MYH15: variants seen among roughly 807,000 people sequenced by gnomAD.
MYH15 encodes the protein myosin heavy chain 15, also known as myosin-15.
In MYH15, 227 loss-of-function variants were observed where a neutral mutation model predicts 240.5. The observed-to-expected ratio is 0.94, with a 90% CI of 0.85 to 1.05. MYH15 has a LOEUF of 1.05. Ranked by LOEUF, MYH15 falls within the 50% of genes least tolerant of loss-of-function variation. The pLI is 0.00. For missense variants in MYH15, 2,217 were observed against 2,247.5 expected (o/e 0.99, Z 0.27); for synonymous variants, 785 against 796.7 (o/e 0.99, Z 0.25).
chr3:108,480,327 A>C (rs2083256810), intron 11 of MYH15, among the ~76,000 whole-genome samples: 1 of 152,238 alleles, frequency 6.6e-6, no homozygotes, highest in African/African-American at 2.4e-5. Flanking sequence ...GAAGAGTACA[A>C]GGTATGGTCA....
chr3:108,485,340 A>C, intron 10 of MYH15, 111 bp from the exon 11 acceptor site: 1 of 1,226,190 alleles, frequency 8.2e-7, no homozygotes, highest in East Asian at 2.3e-5. Context: ...AATGAGACAG[A>C]CAGCTCTGTT....
At chr3:108,410,496 G>A (rs1049987357) in intron 31 of MYH15, 87 bp downstream of exon 31, 2 of 924,172 alleles carry the variant, frequency 2.2e-6, no homozygotes, top group Non-Finnish European at 3.2e-6. Flanking sequence ...TTGGGAATGT[G>A]AAAATGCTGA....
intron 32 of MYH15, among the ~76,000 whole-genome samples, chr3:108,407,014 C>T (rs750674594): frequency 7.9e-5 from 12 of 152,092 alleles, no homozygotes; most frequent in Non-Finnish European, 5.9e-5. Context: ...CCAAAGGGAA[C>T]GAGTAAACAA....
intron 16 of MYH15, among the ~76,000 whole-genome samples, chr3:108,462,285 G>A (rs1168158597): frequency 2.0e-5 from 3 of 152,098 alleles, no homozygotes; most frequent in East Asian, 1.9e-4. Flanking sequence ...TCACTGCATC[G>A]TAAATGCATG....
Position 108,460,379 on chromosome 3 carries a change from A to T in MYH15, c.1865-12T>A. On this transcript the variant is annotated splice_polypyrimidine_tract_variant and intron_variant, in intron 16 of 40. Coordinates refer to ENST00000693548, the MANE Select transcript of MYH15 (RefSeq NM_014981.3). ...CCCAAATGGTATAGCTAGCAAAAAA[A>T]AAAAAAGAAAAAGATGAAAACATGT... 6.4e-7 allele frequency: 1 copy of T among 1,569,750 alleles called. No individual in the cohort carries two copies. Among genetic ancestry groups the T allele is most frequent in the Non-Finnish European group, 8.6e-7 (1 of 1,162,164 alleles).
upstream of MYH15, among the ~76,000 whole-genome samples, chr3:108,531,799 A>AATAAATAAATAAATAC (rs1553690580): frequency 7.5e-6 from 1 of 134,064 alleles, no homozygotes; most frequent in Non-Finnish European, 1.7e-5. Flanking sequence ...TAAATAAATA[A>AATAAATAAATAAATAC]ATAAATACAT....
intron 39 of MYH15, 128 bp downstream of exon 39, chr3:108,384,559 G>T: frequency 1.3e-6 from 1 of 769,388 alleles, no homozygotes; most frequent in East Asian, 2.7e-5. Context: ...AAAAAACTGA[G>T]GATGAGCAGA....
rs369120535 is a variant in MYH15, at chr3:108,398,787, C to T, written c.4983G>A (p.Glu1661=). Residue 1661 remains glutamate, a synonymous_variant, in exon 35 of 41, where the codon GAG becomes GAA. Coordinates refer to ENST00000693548, the MANE Select transcript of MYH15 (RefSeq NM_014981.3). ...DSTQLNSDLK[E]QVAVAERRNS... The stretch of plus-strand genomic sequence containing the variant: ...TGCGCCGCTCAGCCACAGCCACCTG[C>T]TCCTTCAGATCACTGTTCAGTTGTG... 1.7e-5 allele frequency: 27 copies of T among 1,614,086 alleles called. No homozygotes were observed. In the African/African-American group the frequency reaches 2.8e-4, roughly 17 times the overall value.
intron 24 of MYH15, among the ~76,000 whole-genome samples, chr3:108,438,976 A>C (rs780537269): frequency 1.3e-5 from 2 of 152,102 alleles, no homozygotes; most frequent in Non-Finnish European, 2.9e-5. Flanking sequence ...TATTGGAAAT[A>C]GGAACAAATG....
rs778444500 is a variant in MYH15, at chr3:108,408,279, C to T, written c.4620+1G>A. On this transcript the variant is annotated splice_donor_variant, in intron 32 of 40. Coordinates refer to ENST00000693548, the MANE Select transcript of MYH15 (RefSeq NM_014981.3). LOFTEE classifies it high-confidence loss of function. Reference sequence around the variant, plus strand: ...CTTTCTTTTCTCCCTGGTGATAATACCTCTGTTTCTTCCAGTGTCACCTGG... The same window carrying T: ...CTTTCTTTTCTCCCTGGTGATAATATCTCTGTTTCTTCCAGTGTCACCTGG... 8 of 1,610,120 alleles carry T rather than the reference C, an allele frequency of 5.0e-6. No homozygotes were observed. The highest frequency in any genetic ancestry group is 1.1e-5 in the South Asian group (1 of 90,136).
intron 14 of MYH15, among the ~76,000 whole-genome samples, chr3:108,469,321 C>T (rs975900171): frequency 2.0e-5 from 3 of 152,160 alleles, no homozygotes; most frequent in South Asian, 2.1e-4. Flanking sequence ...CTGCAATCCA[C>T]GATTATGGCG....
chr3:108,545,439 T>G, the MYH15 span, among the ~76,000 whole-genome samples: 1 of 152,172 alleles, frequency 6.6e-6, no homozygotes, highest in South Asian at 2.1e-4. Context: ...ATTGAAAATC[T>G]ACTAAAAGCC....
chr3:108,460,899 AAC>A (rs1197700106), intron 16 of MYH15, among the ~76,000 whole-genome samples: 2 of 152,118 alleles, frequency 1.3e-5, no homozygotes, highest in Non-Finnish European at 2.9e-5. Context: ...CCAAAATGTA[AAC>A]AGTTTGTTAA....
chr3:108,413,094 A>G (rs2082606877), intron 30 of MYH15, among the ~76,000 whole-genome samples: 1 of 152,232 alleles, frequency 6.6e-6, no homozygotes, highest in Non-Finnish European at 1.5e-5. Flanking sequence ...ATCCCAAAAG[A>G]AACCATCAAA....
At chr3:108,508,214 T>C (rs2083493237) in intron 1 of MYH15, among the ~76,000 whole-genome samples, 1 of 152,194 alleles carries the variant, frequency 6.6e-6, no homozygotes, top group African/African-American at 2.4e-5. Flanking sequence ...GCTCACCACC[T>C]GCCTCATGAT....
chr3:108,525,676 C>T (rs2083661048), intron 1 of MYH15, among the ~76,000 whole-genome samples: 1 of 151,928 alleles, frequency 6.6e-6, no homozygotes, highest in African/African-American at 2.4e-5. Flanking sequence ...CTCATGTCTA[C>T]CCTATTTTTA....
intron 7 of MYH15, among the ~76,000 whole-genome samples, chr3:108,493,828 TA>T (rs2083371903): frequency 6.6e-6 from 1 of 152,238 alleles, no homozygotes; most frequent in South Asian, 2.1e-4. Flanking sequence ...GGTAGAGTTT[TA>T]TTTTATGTGT....
the MYH15 span, among the ~76,000 whole-genome samples, chr3:108,537,221 G>T: frequency 1.5e-4 from 23 of 152,274 alleles, no homozygotes; most frequent in African/African-American, 5.3e-4. Flanking sequence ...AACAAAGAAA[G>T]AGTAAAGTCA....
intron 1 of MYH15, among the ~76,000 whole-genome samples, chr3:108,521,589 T>C (rs2083618209): frequency 6.6e-6 from 1 of 152,152 alleles, no homozygotes; most frequent in Non-Finnish European, 1.5e-5. Context: ...AGTAAACTAA[T>C]AAGAAATGCT....
Sources: allele counts gnomAD v4.1 joint callset (sites outside exome capture counted in the v4.1 genomes callset), GRCh38; gene constraint gnomAD v4.1.1; transcripts MANE v1.5; gene names NCBI Gene and HGNC (gene_info 2026-07-23, HGNC 2026-07-21).